Variants in CSMD1 observed in about 807,000 individuals in gnomAD.
The protein encoded by CSMD1 is CUB and sushi domain-containing protein 1.
In CSMD1, 213 loss-of-function variants were observed where a neutral mutation model predicts 417.5. The observed-to-expected ratio is 0.51, with a 90% CI of 0.46 to 0.57. CSMD1 has a LOEUF of 0.57. CSMD1 is among the 20% of genes least tolerant of loss of function. The pLI, the probability that CSMD1 is intolerant of heterozygous loss-of-function variation, is 0.00. For synonymous variants in CSMD1, 2,862 were observed against 1,736.8 expected, an observed-to-expected ratio of 1.65 and a Z score of -16.11; for missense variants, 6,923 against 4,529.7, an observed-to-expected ratio of 1.53 and a Z score of -15.17.
At chr8:3,524,009 A>G (rs1392819980) in intron 10 of CSMD1, among the ~76,000 whole-genome samples, 1 of 146,406 alleles carries the variant, frequency 6.8e-6, no homozygotes, top group African/African-American at 2.6e-5. Flanking sequence ...ATATGCACAC[A>G]TGTGCACGTG....
rs199717505 is a variant in CSMD1, at chr8:4,302,915, A to AT, written c.415+117037dup. Among the ~76,000 whole-genome samples, 324 of 150,124 alleles carry AT rather than the reference A, an allele frequency of 2.2e-3. 2 individuals are homozygous for AT. Among genetic ancestry groups the AT allele is most frequent in the African/African-American group, 7.1e-3 (289 of 40,916 alleles). On this transcript the variant is annotated intron_variant, in intron 3 of 69. Coordinates refer to ENST00000635120, the MANE Select transcript of CSMD1 (RefSeq NM_033225.6). ...TGATTCATATTAACTCAAAAGACAG[A>AT]TTTTTTTTTTCTGGAAAATGCTGCT...
intron 3 of CSMD1, among the ~76,000 whole-genome samples, chr8:4,397,879 A>G (rs1003967619): frequency 5.3e-5 from 8 of 152,170 alleles, no homozygotes; most frequent in African/African-American, 1.4e-4. Context: ...ATTTTCTTCC[A>G]ATGTTCTAAT....
intron 3 of CSMD1, among the ~76,000 whole-genome samples, chr8:4,164,844 C>G (rs1475524162): frequency 4.0e-5 from 6 of 150,162 alleles, no homozygotes; most frequent in African/African-American, 1.5e-4. Context: ...CCACTGCACT[C>G]CAAGCCTGAG....
chr8:4,205,955 T>C (rs866643064), intron 3 of CSMD1, among the ~76,000 whole-genome samples: 2 of 152,304 alleles, frequency 1.3e-5, no homozygotes, highest in South Asian at 2.1e-4. Context: ...CTTGCTACCT[T>C]CTTTTTCACA....
At chr8:3,647,655 A>G (rs1392992561) in intron 7 of CSMD1, among the ~76,000 whole-genome samples, 3 of 152,186 alleles carry the variant, frequency 2.0e-5, no homozygotes, top group African/African-American at 7.2e-5. Flanking sequence ...ATTCAAACAA[A>G]TTTTGTGAAT....
chr8:3,165,559 G>A (rs1414036692), intron 37 of CSMD1, among the ~76,000 whole-genome samples: 1 of 152,002 alleles, frequency 6.6e-6, no homozygotes, highest in African/African-American at 2.4e-5. Flanking sequence ...AGCCTCCTGA[G>A]TAGCTGGGAC....
At chr8:3,100,886 G>C (rs1815686526) in intron 46 of CSMD1, among the ~76,000 whole-genome samples, 1 of 152,044 alleles carries the variant, frequency 6.6e-6, no homozygotes, top group Non-Finnish European at 1.5e-5. Flanking sequence ...CTGTGAACTA[G>C]GGAAAAGGCT....
chr8:4,904,566 T>C (rs1805112101), intron 1 of CSMD1, among the ~76,000 whole-genome samples: 2 of 152,054 alleles, frequency 1.3e-5, no homozygotes, highest in African/African-American at 4.8e-5. Context: ...CCACAGAATA[T>C]CATTAAACAC....
At chr8:4,960,384 G>A (rs910490656) in intron 1 of CSMD1, among the ~76,000 whole-genome samples, 3 of 152,132 alleles carry the variant, frequency 2.0e-5, no homozygotes, top group African/African-American at 7.2e-5. Context: ...GTAAATTTGA[G>A]AGAGCTGGCA....
chr8:3,375,109 C>G lies in CSMD1; in HGVS notation c.2783-5739G>C, dbSNP rs535307885. 28 of 152,308 alleles carry G rather than the reference C, an allele frequency of 1.8e-4. 1 individual carries two copies. In the East Asian group the frequency reaches 3.9e-3, roughly 21 times the overall value. 9.4% of individuals were successfully genotyped at this position (152,308 alleles called of 1,614,324 possible). On this transcript the variant is annotated intron_variant, in intron 18 of 69. Coordinates refer to ENST00000635120, the MANE Select transcript of CSMD1 (RefSeq NM_033225.6). The stretch of plus-strand genomic sequence containing the variant: ...TGCCCAACTGTAACTTGAAACCTGA[C>G]AGCTTCCACATGTACATGTTAAACA...
At chr8:4,429,674 A>G (rs1284024483) in intron 2 of CSMD1, among the ~76,000 whole-genome samples, 2 of 152,064 alleles carry the variant, frequency 1.3e-5, no homozygotes, top group Admixed American at 6.6e-5. Context: ...ACCCCAAGAG[A>G]TGGACCCCAA....
At chr8:3,401,187 G>A (rs978254503) in intron 15 of CSMD1, among the ~76,000 whole-genome samples, 2 of 151,794 alleles carry the variant, frequency 1.3e-5, no homozygotes, top group Non-Finnish European at 2.9e-5. Context: ...ATATAAGAAA[G>A]ACATATGGCA....
At chr8:3,866,385 C>A (rs78100746) in intron 5 of CSMD1, among the ~76,000 whole-genome samples, 76 of 152,226 alleles carry the variant, frequency 5.0e-4, no homozygotes, top group African/African-American at 1.8e-3. Flanking sequence ...TTTCATTTAC[C>A]ATTGCTTAGC....
At chr8:4,446,650 T>C (rs766481551) in intron 2 of CSMD1, among the ~76,000 whole-genome samples, 5 of 152,128 alleles carry the variant, frequency 3.3e-5, no homozygotes, top group Non-Finnish European at 7.4e-5. Flanking sequence ...GCCTCCTAGA[T>C]TTGAGCCATT....
Position 4,687,064 on chromosome 8 carries a change from C to T in CSMD1, c.86-49506G>A, listed in dbSNP as rs11991582. On this transcript the variant is annotated intron_variant, in intron 1 of 69. Transcript: ENST00000635120. ...ATGGCAGATGTCTTCTGAGGCTGAG[C>T]TTCAGGCGAGCCGGCCCCTGTGCAG... Among the ~76,000 whole-genome samples the T allele has an allele frequency of 3.2e-3, 480 of 152,300 alleles. 1 individual carries two copies. Among genetic ancestry groups the T allele is most frequent in the African/African-American group, 0.011 (456 of 41,570 alleles).
At chr8:4,964,157 G>C (rs1563884408) in intron 1 of CSMD1, among the ~76,000 whole-genome samples, 1 of 151,840 alleles carries the variant, frequency 6.6e-6, no homozygotes, top group Non-Finnish European at 1.5e-5. Context: ...AAGACTTCAG[G>C]ACCAAGGAGG....
chr8:3,649,502 A>G (rs933250743), intron 7 of CSMD1, among the ~76,000 whole-genome samples: 2 of 152,194 alleles, frequency 1.3e-5, no homozygotes, highest in Admixed American at 6.5e-5. Flanking sequence ...ATTTACAATC[A>G]TGGTGGAAAG....
intron 5 of CSMD1, among the ~76,000 whole-genome samples, chr8:3,815,397 G>T (rs1251919406): frequency 1.3e-5 from 2 of 152,086 alleles, no homozygotes; most frequent in African/African-American, 4.8e-5. Flanking sequence ...ATTAAATCTG[G>T]AATGAATTGA....
intron 2 of CSMD1, among the ~76,000 whole-genome samples, chr8:4,427,812 A>G (rs1797650568): frequency 1.3e-5 from 2 of 152,192 alleles, no homozygotes; most frequent in Admixed American, 1.3e-4. Context: ...ATACAAATAT[A>G]TGCATGTTTA....
Sources: gnomAD v4.1 joint callset for allele counts (sites outside exome capture counted in the v4.1 genomes callset) on GRCh38, gnomAD v4.1.1 for gene constraint, MANE v1.5 for transcripts, NCBI Gene and HGNC (gene_info 2026-07-23, HGNC 2026-07-21) for gene names.